Variants in NKAIN3 observed in about 807,000 individuals in gnomAD.
The protein encoded by NKAIN3 is sodium/potassium-transporting ATPase subunit beta-1-interacting protein 3.
Under a neutral mutation model 30.2 loss-of-function variants are expected in NKAIN3, and 25 were observed. The ratio of observed to expected loss-of-function variants is 0.83; its 90% CI spans 0.60 to 1.16. The LOEUF (loss-of-function observed/expected upper bound fraction) is 1.16, where lower values mean the gene tolerates loss of function less well. Ranked by LOEUF, NKAIN3 falls within the 50% of genes most tolerant of loss-of-function variation. The pLI is 0.00. For synonymous variants in NKAIN3, 91 were observed against 89.6 expected, an observed-to-expected ratio of 1.02 and a Z score of -0.09; for missense variants, 225 against 254.1, an observed-to-expected ratio of 0.89 and a Z score of 0.78.
chr8:62,488,354 A>G (rs1806965865), intron 1 of NKAIN3, among the ~76,000 whole-genome samples: 1 of 152,142 alleles, frequency 6.6e-6, no homozygotes, highest in African/African-American at 2.4e-5. Flanking sequence ...TGGCCTATCC[A>G]TCAAGGATCT....
chr8:62,403,597 T>C (rs1803958309), intron 1 of NKAIN3, among the ~76,000 whole-genome samples: 1 of 152,192 alleles, frequency 6.6e-6, no homozygotes, highest in African/African-American at 2.4e-5. Flanking sequence ...GCAGCTACCA[T>C]GCGGTATTGG....
At chr8:62,710,238 A>G (rs1016455809) in intron 3 of NKAIN3, among the ~76,000 whole-genome samples, 1 of 152,026 alleles carries the variant, frequency 6.6e-6, no homozygotes, top group Non-Finnish European at 1.5e-5. Context: ...TGTTAAGTCC[A>G]TTTGTTCCAA....
rs115383811 is a variant in NKAIN3 at position 62,249,242 on chromosome 8, C to T, written c.54+115C>T. ...AAGGGGCGAACGGGTGAACAGGGCG[C>T]TCCGCCCGCCTCCCACCCTCCCCAC... On this transcript the variant is annotated intron_variant, in intron 1 of 6. Transcript: ENST00000623646. The T allele has an allele frequency of 8.8e-3, 7,319 of 832,386 alleles. 426 individuals carry two copies. The African/African-American group carries it at 0.12, about 13-fold the overall frequency. 51.6% of individuals were successfully genotyped at this position (832,386 alleles called of 1,614,324 possible). A position where few individuals can be genotyped will look rare whatever the true frequency, so the allele number is the denominator to read the frequency against.
In NKAIN3 at chr8:62,971,465, C is replaced by T. The variant is rs1823832912; in HGVS notation, c.*6058C>T. On this transcript the variant is annotated 3_prime_UTR_variant, in exon 7 of 7. Coordinates refer to ENST00000623646, the MANE Select transcript of NKAIN3 (RefSeq NM_001304533.3). ...CAGCCTGAGCAACATGGCAAAACCC[C>T]ATACCTACAAAAAATACAAAAACCA... Among the ~76,000 whole-genome samples the T allele has an allele frequency of 6.6e-6, 1 of 151,260 alleles. No homozygotes were observed. Among genetic ancestry groups the T allele is most frequent in the Non-Finnish European group, 1.5e-5 (1 of 67,848 alleles).
intron 1 of NKAIN3, among the ~76,000 whole-genome samples, chr8:62,296,077 T>C (rs1813818726): frequency 6.6e-6 from 1 of 152,208 alleles, no homozygotes; most frequent in South Asian, 2.1e-4. Context: ...AAATGCCCCC[T>C]TAGTATTTGC....
At chr8:62,893,269 T>G (rs1309833193) in intron 4 of NKAIN3, among the ~76,000 whole-genome samples, 1 of 152,024 alleles carries the variant, frequency 6.6e-6, no homozygotes, top group African/African-American at 2.4e-5. Context: ...GGCCTGCAAA[T>G]AGGGTGTGAG....
chr8:62,318,379 T>G lies in NKAIN3; in HGVS notation c.54+69252T>G, dbSNP rs191995333. 6.6e-3 allele frequency among the ~76,000 whole-genome samples: 1,006 copies of G among 152,316 alleles called. 9 individuals are homozygous for G. Among genetic ancestry groups the G allele is most frequent in the African/African-American group, 0.023 (951 of 41,546 alleles). On this transcript the variant is annotated intron_variant, in intron 1 of 6. Coordinates refer to ENST00000623646, the MANE Select transcript of NKAIN3 (RefSeq NM_001304533.3). Reference sequence around the variant, plus strand: ...AGGGCATCCCTGTCTTGTGCCAGCTTTCAAAGGGAATGCTTCCAGTTTTTG... The same window carrying G: ...AGGGCATCCCTGTCTTGTGCCAGCTGTCAAAGGGAATGCTTCCAGTTTTTG...
At chr8:62,370,595 G>C (rs1585732571) in intron 1 of NKAIN3, among the ~76,000 whole-genome samples, 4 of 152,012 alleles carry the variant, frequency 2.6e-5, no homozygotes, top group Admixed American at 6.6e-5. Context: ...TAATTTGGCT[G>C]TTATAAACGG....
At chr8:62,357,863 A>T (rs13257042) in intron 1 of NKAIN3, among the ~76,000 whole-genome samples, 18,306 of 152,228 alleles carry the variant, frequency 0.12, 1,198 homozygotes, top group Middle Eastern at 0.23. Context: ...AATATTTATT[A>T]GTTATAATTT....
intron 4 of NKAIN3, among the ~76,000 whole-genome samples, chr8:62,778,382 T>C (rs933376386): frequency 6.6e-6 from 1 of 152,262 alleles, no homozygotes; most frequent in East Asian, 1.9e-4. Context: ...AGATACTGTA[T>C]GCTACGGCAG....
chr8:62,692,911 CTT>C (rs1185347991), intron 3 of NKAIN3, among the ~76,000 whole-genome samples: 2 of 152,280 alleles, frequency 1.3e-5, no homozygotes, highest in East Asian at 1.9e-4. Flanking sequence ...GCAGTTCTAA[CTT>C]AACTTGTTTC....
chr8:62,546,623 T>C (rs1275785055), intron 1 of NKAIN3, among the ~76,000 whole-genome samples: 1 of 152,228 alleles, frequency 6.6e-6, no homozygotes, highest in Non-Finnish European at 1.5e-5. Flanking sequence ...GGTGTCTTCA[T>C]CATTATCACT....
At chr8:62,378,491 G>A (rs1186122444) in intron 1 of NKAIN3, among the ~76,000 whole-genome samples, 1 of 152,160 alleles carries the variant, frequency 6.6e-6, no homozygotes, top group Non-Finnish European at 1.5e-5. Context: ...CCCATCACAG[G>A]CCTGGAGGCC....
At chr8:62,735,546 C>T (rs770025659) in intron 3 of NKAIN3, among the ~76,000 whole-genome samples, 2 of 151,914 alleles carry the variant, frequency 1.3e-5, no homozygotes, top group South Asian at 2.1e-4. Flanking sequence ...TCTTTCATAT[C>T]CTGTAACATT....
chr8:62,349,300 C>T (rs373175284), intron 1 of NKAIN3, among the ~76,000 whole-genome samples: 2 of 152,160 alleles, frequency 1.3e-5, no homozygotes, highest in African/African-American at 4.8e-5. Context: ...AGCAAGCTGC[C>T]TTGTTTTAGA....
At chr8:62,423,317 C>G (rs180888223) in intron 1 of NKAIN3, among the ~76,000 whole-genome samples, 3 of 151,838 alleles carry the variant, frequency 2.0e-5, no homozygotes, top group African/African-American at 7.3e-5. Flanking sequence ...GATTTACCAC[C>G]TAATAAACTC....
At chr8:62,340,754 G>T (rs1815714497) in intron 1 of NKAIN3, among the ~76,000 whole-genome samples, 1 of 151,956 alleles carries the variant, frequency 6.6e-6, no homozygotes, top group South Asian at 2.1e-4. Context: ...AGGATGGGAG[G>T]ATTCCCTGTA....
downstream of NKAIN3, among the ~76,000 whole-genome samples, chr8:62,985,804 T>C (rs1480940559): frequency 6.6e-6 from 1 of 152,108 alleles, no homozygotes; most frequent in Non-Finnish European, 1.5e-5. Context: ...CTTTCTGTAT[T>C]GCTTTTGCAA....
chr8:62,893,688 A>G (rs529039366), intron 4 of NKAIN3, among the ~76,000 whole-genome samples: 1 of 152,298 alleles, frequency 6.6e-6, no homozygotes, highest in East Asian at 1.9e-4. Flanking sequence ...ACATATGCAC[A>G]TAACTAACTG....
Sources: gnomAD v4.1 joint callset for allele counts (sites outside exome capture counted in the v4.1 genomes callset) on GRCh38, gnomAD v4.1.1 for gene constraint, MANE v1.5 for transcripts, NCBI Gene and HGNC (gene_info 2026-07-23, HGNC 2026-07-21) for gene names.